Variants in ZSCAN1 observed in about 807,000 individuals in gnomAD.
ZSCAN1 encodes zinc finger and SCAN domain containing 1, also known as zinc finger and SCAN domain-containing protein 1.
A neutral mutation model predicts 23.8 loss-of-function variants in ZSCAN1; 23 were observed. That is an observed-to-expected ratio of 0.97 (90% CI 0.70 to 1.37). ZSCAN1 has a LOEUF of 1.37. ZSCAN1 is among the 40% of genes most tolerant of loss of function. The pLI is 0.00. For synonymous variants in ZSCAN1, 236 were observed against 232.3 expected, an observed-to-expected ratio of 1.02 and a Z score of -0.15; for missense variants, 575 against 554.0, an observed-to-expected ratio of 1.04 and a Z score of -0.38.
At position 58,040,336 on chromosome 19, in the gene ZSCAN1, G is replaced by A. The variant is rs1420481310; in HGVS notation, c.371-114G>A. On this transcript the variant is annotated intron_variant, in intron 3 of 5. Transcript: ENST00000282326. This position sits in a 1 kb window ranked among gnomAD's most constrained non-coding sequence, Gnocchi z 5.8. ...CAGCCCTGCAGCCACTCTTGCCTGC[G>A]CCTCAGGGGTGCTGCAGGGATGTTC... The A allele has an allele frequency of 3.2e-5, 34 of 1,062,216 alleles. No homozygotes were observed. In the Admixed American group the frequency reaches 4.9e-4, roughly 15 times the overall value. The allele number at this position is 1,062,216 out of a possible 1,614,324, so 65.8% of individuals were successfully genotyped here.
At chr19:58,044,941 G>C (rs1206119991) in intron 4 of ZSCAN1, 2 of 979,602 alleles carry the variant, frequency 2.0e-6, no homozygotes, top group Non-Finnish European at 3.3e-6. Context: ...TGATGACTCG[G>C]TAGTAGAGAA....
At chr19:58,038,434 C>T in intron 3 of ZSCAN1, 1 of 626,700 alleles carries the variant, frequency 1.6e-6, no homozygotes, top group East Asian at 2.8e-5. Context: ...AAGATCCCTC[C>T]ATTTCCCATG....
intron 4 of ZSCAN1, chr19:58,044,619 G>T (rs1471046552): frequency 4.7e-6 from 5 of 1,058,352 alleles, no homozygotes; most frequent in Non-Finnish European, 7.0e-6. Context: ...AGCTGCCGCG[G>T]CTGGGCGCCC....
At chr19:58,055,742 T>C (rs2073886356), downstream of ZSCAN1, among the ~76,000 whole-genome samples, 1 of 152,190 alleles carries the variant, frequency 6.6e-6, no homozygotes, top group Admixed American at 6.5e-5. Context: ...CTCCACCTGC[T>C]GGAGGCACAA....
chr19:58,046,450 C>T, intron 4 of ZSCAN1: 1 of 836,866 alleles, frequency 1.2e-6, no homozygotes, highest in Non-Finnish European at 2.1e-6. Flanking sequence ...GGAGATGGAC[C>T]AGTGGGCCAG....
Position 58,053,987 on chromosome 19 carries a change from C to A in ZSCAN1, c.1163C>A (p.Ala388Asp). 1 of 1,588,628 alleles carries A rather than the reference C, an allele frequency of 6.3e-7. No individual in the cohort carries two copies. Among genetic ancestry groups the A allele is most frequent in the Admixed American group, 1.7e-5 (1 of 57,150 alleles). The part of the protein sequence containing the change: ...RPFQCSVCGK[A>D]FPWMVHLIDH... ...TTCCAGTGTAGCGTCTGCGGGAAGG[C>A]CTTCCCCTGGATGGTCCACCTCATT... is the stretch of plus-strand genomic sequence containing the variant. The change falls in exon 6 of 6, where the codon GCC becomes GAC. Residue 388 changes from alanine to aspartate, a missense_variant. Transcript: ENST00000282326. The surrounding 1 kb of genome is among the most constrained non-coding windows in gnomAD (Gnocchi z 5.8).
intron 4 of ZSCAN1, chr19:58,046,656 A>T (rs2073828340): frequency 1.2e-6 from 1 of 850,802 alleles, no homozygotes; most frequent in Non-Finnish European, 2.0e-6. Flanking sequence ...TGGACAAAGA[A>T]GATGTTCACG....
At chr19:58,043,051 C>G (rs1380129352) in intron 4 of ZSCAN1, among the ~76,000 whole-genome samples, 2 of 152,256 alleles carry the variant, frequency 1.3e-5, no homozygotes, top group Non-Finnish European at 2.9e-5. Flanking sequence ...CAGGCATTGC[C>G]GCTGCCAGGG....
chr19:58,051,182 A>G lies in ZSCAN1; in HGVS notation c.466-1308A>G, dbSNP rs937938089. ...CCACGCAGCCCCTCTGCTGCCCTTGATTAGTCACAGACGCCAAGGTGGGTG... is the reference window on the plus strand; with the variant it reads ...CCACGCAGCCCCTCTGCTGCCCTTGGTTAGTCACAGACGCCAAGGTGGGTG... On this transcript the variant is annotated intron_variant, in intron 4 of 5. Transcript: ENST00000282326. Among the ~76,000 whole-genome samples, 78 of 152,074 alleles carry G rather than the reference A, an allele frequency of 5.1e-4. 3 individuals carry two copies. The highest frequency in any genetic ancestry group is 1.5e-5 in the Non-Finnish European group (1 of 68,022).
At position 58,049,912 on chromosome 19, in the gene ZSCAN1, G is replaced by T. The variant is rs1001447916; in HGVS notation, c.466-2578G>T. Among the ~76,000 whole-genome samples, 2 of 152,136 alleles carry T rather than the reference G, an allele frequency of 1.3e-5. No individual in the cohort carries two copies. The highest frequency in any genetic ancestry group is 6.5e-5 in the Admixed American group (1 of 15,278). On this transcript the variant is annotated intron_variant, in intron 4 of 5. Transcript: ENST00000282326. This position sits in a 1 kb window ranked among gnomAD's most constrained non-coding sequence, Gnocchi z 4.5. ...AGCTTTTTCTTGTGGGCATTCTCGGGTTTTTTCACTTTACTCCACTGTGTT... is the reference window on the plus strand; with the variant it reads ...AGCTTTTTCTTGTGGGCATTCTCGGTTTTTTTCACTTTACTCCACTGTGTT...
intron 4 of ZSCAN1, chr19:58,046,317 G>A (rs2073825658): frequency 2.3e-6 from 2 of 867,102 alleles, no homozygotes; most frequent in South Asian, 2.6e-5. Context: ...ACTTGCAGGA[G>A]CTCAAGAAGG....
At chr19:58,046,213 G>C in intron 4 of ZSCAN1, 1 of 767,714 alleles carries the variant, frequency 1.3e-6, no homozygotes, top group Non-Finnish European at 2.4e-6. Flanking sequence ...CCTCAGCAAT[G>C]CCTGCTCTAA....
rs115288270 is a variant in ZSCAN1, at chr19:58,048,347, A to G, written c.466-4143A>G. On this transcript the variant is annotated intron_variant, in intron 4 of 5. Coordinates refer to ENST00000282326, the MANE Select transcript of ZSCAN1 (RefSeq NM_182572.4). Reference sequence around the variant, plus strand: ...GTATACTAACTGCCCTGGGGCATGTAGGTAAGTGTAAATGATGTGGTTTGA... The same window carrying G: ...GTATACTAACTGCCCTGGGGCATGTGGGTAAGTGTAAATGATGTGGTTTGA... 2.1e-3 allele frequency among the ~76,000 whole-genome samples: 315 copies of G among 152,384 alleles called. 4 individuals carry two copies. The highest frequency in any genetic ancestry group is 7.4e-3 in the African/African-American group (306 of 41,598).
intron 4 of ZSCAN1, chr19:58,044,560 G>A: frequency 1.6e-6 from 1 of 621,582 alleles, no homozygotes; most frequent in Non-Finnish European, 2.7e-6. Flanking sequence ...CAGCGCAGGA[G>A]GCCCGAGCGG....
chr19:58,052,534 C>G lies in ZSCAN1; in HGVS notation c.510C>G (p.Leu170=). The G allele has an allele frequency of 6.2e-7, 1 of 1,614,078 alleles. No individual in the cohort carries two copies. The highest frequency in any genetic ancestry group is 8.5e-7 in the Non-Finnish European group (1 of 1,180,024). The change falls in exon 5 of 6, where the codon CTC becomes CTG. Residue 170 remains leucine (L), a synonymous_variant. Coordinates refer to ENST00000282326, the MANE Select transcript of ZSCAN1 (RefSeq NM_182572.4). The part of the protein sequence containing the change: ...ILDAVAAAPA[L]PEESEWLETT... ...ATGCAGTGGCAGCAGCCCCAGCACT[C>G]CCCGAGGAAAGTGAGTGGCTGGAGA...
At position 58,054,168 on chromosome 19, in the gene ZSCAN1, C is replaced by T. The variant is rs2073878149; in HGVS notation, c.*117C>T. 7.6e-7 allele frequency: 1 copy of T among 1,317,262 alleles called. No homozygotes were observed. Among genetic ancestry groups the T allele is most frequent in the South Asian group, 1.6e-5 (1 of 61,902 alleles). 81.6% of individuals were successfully genotyped at this position (1,317,262 alleles called of 1,614,324 possible). A position where few individuals can be genotyped will look rare whatever the true frequency, so the allele number is the denominator to read the frequency against. On this transcript the variant is annotated 3_prime_UTR_variant, in exon 6 of 6. Transcript: ENST00000282326. This position sits in a 1 kb window ranked among gnomAD's most constrained non-coding sequence, Gnocchi z 4.2. Reference sequence around the variant, plus strand: ...AACCCCTGGCCACCTTGGGACTCCTCTTGAAGGACACAAGCTGTTTCTCGG... The same window carrying T: ...AACCCCTGGCCACCTTGGGACTCCTTTTGAAGGACACAAGCTGTTTCTCGG...
Position 58,045,909 on chromosome 19 carries a change from A to G in ZSCAN1, c.465+5365A>G, listed in dbSNP as rs140313702. 98 of 998,546 alleles carry G rather than the reference A, an allele frequency of 9.8e-5. No homozygotes were observed. In the African/African-American group the frequency reaches 1.4e-3, roughly 14 times the overall value. 61.9% of individuals were successfully genotyped at this position (998,546 alleles called of 1,614,324 possible). ...TCCCAGAGATTGTGGCAAAGGAAGC[A>G]CAGGTGAAAGTGGCCGAGGTGGAGG... On this transcript the variant is annotated intron_variant, in intron 4 of 5. Transcript: ENST00000282326. The surrounding 1 kb of genome is among the most constrained non-coding windows in gnomAD (Gnocchi z 4.3).
intron 1 of ZSCAN1, 76 bp downstream of exon 1, chr19:58,034,237 C>A (rs1263128117): frequency 6.6e-6 from 1 of 151,144 alleles, no homozygotes; most frequent in Non-Finnish European, 1.5e-5. Flanking sequence ...AGGGTCTCGG[C>A]GCCGCGTCGG....
chr19:58,044,456 G>A, intron 4 of ZSCAN1: 1 of 388,760 alleles, frequency 2.6e-6, no homozygotes, highest in Non-Finnish European at 4.5e-6. Flanking sequence ...CCTGTCCGAG[G>A]CCAACCGCTG....
Sources: gnomAD v4.1 joint callset for allele counts (sites outside exome capture counted in the v4.1 genomes callset) on GRCh38, gnomAD v4.1.1 for gene constraint, Gnocchi (gnomAD v3.1) non-coding constraint, MANE v1.5 for transcripts, NCBI Gene and HGNC (gene_info 2026-07-23, HGNC 2026-07-21) for gene names.